SDHA: variants seen among roughly 807,000 people sequenced by gnomAD.
SDHA encodes succinate dehydrogenase [ubiquinone] flavoprotein subunit, mitochondrial.
SDHA carries 48 observed loss-of-function variants against 78.4 expected under a neutral mutation model. The observed-to-expected ratio is 0.61, with a 90% CI of 0.49 to 0.78. The LOEUF (loss-of-function observed/expected upper bound fraction) is 0.78. Among genes scored for constraint, SDHA ranks in the 30% least tolerant of loss-of-function variants. The pLI, the probability that SDHA is intolerant of heterozygous loss-of-function variation, is 0.00. For missense variants in SDHA, 680 were observed against 892.7 expected (o/e 0.76, Z 3.04); for synonymous variants, 326 against 353.9 (o/e 0.92, Z 0.88).
At chr5:252,787 A>G (rs1736934832) in intron 13 of SDHA, among the ~76,000 whole-genome samples, 1 of 140,490 alleles carries the variant, frequency 7.1e-6, no homozygotes, top group South Asian at 2.1e-4. Context: ...ATGCCAGTTT[A>G]TTAACGAGTA....
chr5:225,374 T>A (rs1192556703), intron 3 of SDHA, 45 bp from the exon 4 acceptor site: 2 of 1,611,762 alleles, frequency 1.2e-6, no homozygotes, highest in Non-Finnish European at 1.7e-6. Flanking sequence ...AAGACAAAGT[T>A]GGCGCTCCTG....
At chr5:229,195 G>A (rs887406079) in intron 6 of SDHA, among the ~76,000 whole-genome samples, 1 of 152,152 alleles carries the variant, frequency 6.6e-6, no homozygotes, top group Non-Finnish European at 1.5e-5. Context: ...CAACTATTAC[G>A]GAAAACTCTG....
At chr5:258,751 C>T (rs1381672395), downstream of SDHA, among the ~76,000 whole-genome samples, 5 of 94,846 alleles carry the variant, frequency 5.3e-5, no homozygotes, top group Admixed American at 2.1e-4. Context: ...CGAGCATTAC[C>T]GTGTGAGCTC....
At chr5:262,447 C>T in the SDHA span, among the ~76,000 whole-genome samples, 2,954 of 126,624 alleles carry the variant, frequency 0.023, 15 homozygotes, top group Non-Finnish European at 0.03. Flanking sequence ...CCGCCTCCTG[C>T]CAGATCAGTG....
At chr5:239,516 CACTG>C (rs1163019620) in intron 10 of SDHA, among the ~76,000 whole-genome samples, 59 of 151,422 alleles carry the variant, frequency 3.9e-4, no homozygotes, top group Middle Eastern at 3.4e-3. Context: ...GAGATGGTGC[CACTG>C]ACTGCACTCC....
chr5:220,922 C>T (rs112584938), intron 1 of SDHA, among the ~76,000 whole-genome samples: 1 of 151,928 alleles, frequency 6.6e-6, no homozygotes, highest in Non-Finnish European at 1.5e-5. Flanking sequence ...ACGCCATTCT[C>T]CTGCCTCAGC....
intron 11 of SDHA, among the ~76,000 whole-genome samples, chr5:243,065 G>A (rs952242467): frequency 1.5e-4 from 23 of 152,084 alleles, no homozygotes; most frequent in African/African-American, 4.1e-4. Context: ...GTGACTGTCC[G>A]AGCAGCACCT....
chr5:237,502 C>T (rs1287995980), intron 10 of SDHA, among the ~76,000 whole-genome samples: 8 of 133,154 alleles, frequency 6.0e-5, no homozygotes, highest in Non-Finnish European at 1.1e-4. Context: ...GCACTAAGAA[C>T]GGGGCAGTTA....
At chr5:250,424 G>T (rs191779186) in intron 11 of SDHA, 111 of 182,660 alleles carry the variant, frequency 6.1e-4, no homozygotes, top group East Asian at 8.4e-4. Context: ...GTAAAACTAT[G>T]AAGGAACTCA....
chr5:268,596 T>A, the SDHA span, among the ~76,000 whole-genome samples: 1 of 152,212 alleles, frequency 6.6e-6, no homozygotes, highest in African/African-American at 2.4e-5. Flanking sequence ...TACTGCCTGC[T>A]TGGCTTTAGG....
At chr5:228,543 A>G (rs1328402406) in intron 6 of SDHA, among the ~76,000 whole-genome samples, 1 of 152,160 alleles carries the variant, frequency 6.6e-6, no homozygotes, top group Non-Finnish European at 1.5e-5. Flanking sequence ...GTGAGAAAGC[A>G]TGGTCCTCAG....
the SDHA span, among the ~76,000 whole-genome samples, chr5:266,755 A>G: frequency 6.6e-6 from 1 of 152,172 alleles, no homozygotes; most frequent in African/African-American, 2.4e-5. Context: ...CGTGCAGTAG[A>G]CACCGTGGCC....
intron 1 of SDHA, among the ~76,000 whole-genome samples, chr5:221,048 C>T (rs1488826507): frequency 9.2e-5 from 14 of 152,174 alleles, no homozygotes; most frequent in Admixed American, 2.6e-4. Context: ...CTCCTGACCT[C>T]GTGATCCGCC....
At chr5:247,436 A>C (rs560673031) in intron 11 of SDHA, among the ~76,000 whole-genome samples, 51 of 152,366 alleles carry the variant, frequency 3.3e-4, no homozygotes, top group Middle Eastern at 3.4e-3. Context: ...TTGCTACTGC[A>C]ATATCTAATG....
intron 6 of SDHA, among the ~76,000 whole-genome samples, chr5:229,605 G>A (rs187592801): frequency 0.01 from 1,539 of 152,338 alleles, 8 homozygotes; most frequent in Middle Eastern, 0.017. Context: ...AATGCAGACT[G>A]TGGCGATGCT....
downstream of SDHA, among the ~76,000 whole-genome samples, chr5:258,174 T>A (rs866391176): frequency 8.5e-6 from 1 of 117,018 alleles, no homozygotes; most frequent in East Asian, 2.3e-4. Context: ...CTCCACCCCC[T>A]GCCAGAGCAT....
chr5:251,945 C>T (rs1361066404), intron 13 of SDHA: 1 of 342,826 alleles, frequency 2.9e-6, no homozygotes, highest in Admixed American at 4.0e-5. Flanking sequence ...GGAGGAAATG[C>T]CAGTTTATTA....
the SDHA span, among the ~76,000 whole-genome samples, chr5:268,128 T>C: frequency 0.096 from 14,577 of 152,202 alleles, 1,003 homozygotes; most frequent in Non-Finnish European, 0.13. Context: ...TAGTATCTCT[T>C]GTTCTAGACT....
chr5:223,149 C>T (rs937246260), intron 1 of SDHA, among the ~76,000 whole-genome samples: 1 of 152,230 alleles, frequency 6.6e-6, no homozygotes, highest in Admixed American at 6.5e-5. Context: ...TTCCCCTTCT[C>T]CACTAAGTAG....
Sources: gnomAD v4.1 joint callset for allele counts (sites outside exome capture counted in the v4.1 genomes callset) on GRCh38, gnomAD v4.1.1 for gene constraint, MANE v1.5 for transcripts, NCBI Gene and HGNC (gene_info 2026-07-23, HGNC 2026-07-21) for gene names.